The following TG variants were observed in gnomAD, a reference collection of about 807,000 sequenced individuals.
The protein encoded by TG is thyroid hormones.
TG carries 270 observed loss-of-function variants against 324.7 expected under a neutral mutation model. That is an observed-to-expected ratio of 0.83 (90% CI 0.75 to 0.92). TG has a LOEUF of 0.92. Among genes scored for constraint, TG ranks in the 40% least tolerant of loss-of-function variants. The pLI is 0.00. For synonymous variants in TG, 1,401 were observed against 1,327.0 expected (o/e 1.06, Z -1.21); for missense variants, 3,591 against 3,456.4 (o/e 1.04, Z -0.98).
intron 18 of TG, among the ~76,000 whole-genome samples, chr8:132,910,723 A>G (rs1819391451): frequency 6.6e-6 from 1 of 152,154 alleles, no homozygotes; most frequent in African/African-American, 2.4e-5. Flanking sequence ...TATGAGAAAA[A>G]AAGTTCTGTT....
At chr8:133,096,496 A>G in intron 43 of TG, 123 bp downstream of exon 43, 6 of 1,223,776 alleles carry the variant, frequency 4.9e-6, no homozygotes, top group Non-Finnish European at 7.0e-6. Flanking sequence ...TGCAATGCCT[A>G]TGTGAGTTTA....
At chr8:133,104,638 C>G (rs1186338340) in intron 43 of TG, among the ~76,000 whole-genome samples, 1 of 152,056 alleles carries the variant, frequency 6.6e-6, no homozygotes, top group East Asian at 1.9e-4. Context: ...CAAAAGGAAG[C>G]AAAAGTCAAA....
intron 20 of TG, among the ~76,000 whole-genome samples, chr8:132,916,022 C>T (rs16904788): frequency 0.13 from 20,457 of 152,050 alleles, 1,949 homozygotes; most frequent in African/African-American, 0.27. Context: ...TTTTACTGTC[C>T]AGAGACTCAG....
At chr8:133,101,384 G>T in intron 43 of TG, among the ~76,000 whole-genome samples, 1 of 152,176 alleles carries the variant, frequency 6.6e-6, no homozygotes, top group East Asian at 1.9e-4. Context: ...AGTTGGGCTT[G>T]TGCATTTCTC....
chr8:133,064,557 G>A (rs1427175445), intron 41 of TG, among the ~76,000 whole-genome samples: 3 of 152,332 alleles, frequency 2.0e-5, no homozygotes, highest in East Asian at 3.9e-4. Context: ...TTTTGTTCAG[G>A]ACCATGCTGC....
At chr8:133,062,700 C>T (rs2131348401) in intron 41 of TG, among the ~76,000 whole-genome samples, 1 of 152,206 alleles carries the variant, frequency 6.6e-6, no homozygotes, top group African/African-American at 2.4e-5. Context: ...ATGCCTGTGA[C>T]ACGCACAGGG....
At chr8:132,952,698 A>G (rs1465571913) in intron 27 of TG, among the ~76,000 whole-genome samples, 3 of 152,238 alleles carry the variant, frequency 2.0e-5, no homozygotes, top group East Asian at 1.9e-4. Context: ...TAGTAAATAT[A>G]TTAATATCTG....
intron 41 of TG, chr8:133,087,652 T>G (rs1302269046): frequency 6.6e-6 from 1 of 152,256 alleles, no homozygotes; most frequent in Non-Finnish European, 1.5e-5. Flanking sequence ...ATTAATTCAT[T>G]GGAGACAAGT....
intron 45 of TG, among the ~76,000 whole-genome samples, chr8:133,131,288 G>A (rs907686788): frequency 7.9e-5 from 12 of 152,206 alleles, no homozygotes; most frequent in Non-Finnish European, 1.5e-5. Context: ...ATTTAATCCA[G>A]TCTAGCATGT....
Position 133,030,012 on chromosome 8 carries a change from G to C in TG, c.7228G>C (p.Ala2410Pro), listed in dbSNP as rs777769800. The C allele has an allele frequency of 1.9e-6, 3 of 1,614,248 alleles. No homozygotes were observed. The highest frequency in any genetic ancestry group is 2.5e-6 in the Non-Finnish European group (3 of 1,180,046). ...CACCAACTCCCAACTTTTCCGGAGA[G>C]CTGTGCTGATGGTAAGTGGTGTGTG... is the stretch of plus-strand genomic sequence containing the variant. ...RATNSQLFRR[A>P]VLMGGSALSP... Residue 2410 changes from alanine (A) to proline (P), a missense_variant, in exon 41 of 48, where the codon GCT becomes CCT. By Grantham distance (27) the Ala-to-Pro change is conservative. Transcript: ENST00000220616.
chr8:132,915,441 C>T (rs1185699953), intron 20 of TG, among the ~76,000 whole-genome samples: 2 of 152,210 alleles, frequency 1.3e-5, no homozygotes, highest in Non-Finnish European at 2.9e-5. Flanking sequence ...AGGGGCCACT[C>T]AGCTCAACTT....
chr8:132,871,766 A>G (rs1839501731), intron 4 of TG, among the ~76,000 whole-genome samples: 1 of 152,214 alleles, frequency 6.6e-6, no homozygotes, highest in Non-Finnish European at 1.5e-5. Flanking sequence ...AAACATAAAC[A>G]GGATTTCATT....
chr8:132,944,923 G>A (rs775305325), intron 26 of TG, among the ~76,000 whole-genome samples: 1 of 152,314 alleles, frequency 6.6e-6, no homozygotes, highest in Middle Eastern at 3.4e-3. Flanking sequence ...GAGGGTGCAG[G>A]ATAAAGAAGA....
chr8:132,937,738 A>G (rs550082079), intron 25 of TG, among the ~76,000 whole-genome samples: 1 of 148,264 alleles, frequency 6.7e-6, no homozygotes, highest in East Asian at 2.0e-4. Context: ...TAAAAAATGC[A>G]ATTGTATTTC....
At position 132,929,066 on chromosome 8, in the gene TG, T is replaced by C. The variant is rs1822306231; in HGVS notation, c.4700-10T>C. 1.2e-6 allele frequency: 2 copies of C among 1,612,068 alleles called. No individual in the cohort carries two copies. The highest frequency in any genetic ancestry group is 2.2e-5 in the South Asian group (2 of 91,028). On this transcript the variant is annotated splice_polypyrimidine_tract_variant and intron_variant, in intron 22 of 47. Coordinates refer to ENST00000220616, the MANE Select transcript of TG (RefSeq NM_003235.5). ...CTGAGTCAGATTTACTAAATCTGCT[T>C]TATTTTTAGTGATGCAGAAGTTTGA...
At chr8:132,914,631 T>A (rs1820026685) in intron 20 of TG, among the ~76,000 whole-genome samples, 1 of 152,192 alleles carries the variant, frequency 6.6e-6, no homozygotes, top group Non-Finnish European at 1.5e-5. Context: ...TTAAATGAGA[T>A]GGGGCATCTG....
At chr8:133,007,531 A>C (rs984573985) in intron 35 of TG, among the ~76,000 whole-genome samples, 1 of 152,102 alleles carries the variant, frequency 6.6e-6, no homozygotes, top group East Asian at 1.9e-4. Flanking sequence ...GTAGGTTTTT[A>C]GTATTAGCTT....
chr8:133,018,144 A>T (rs930322447), intron 38 of TG, 147 bp downstream of exon 38: 43 of 847,720 alleles, frequency 5.1e-5, no homozygotes, highest in Non-Finnish European at 8.3e-5. Flanking sequence ...GATATCATTA[A>T]GTGCTGTGAC....
At chr8:132,897,581 T>G (rs1817294500) in intron 11 of TG, 68 bp from the exon 12 acceptor site, 5 of 1,604,340 alleles carry the variant, frequency 3.1e-6, no homozygotes, top group Non-Finnish European at 3.4e-6. Context: ...CATACGTGGT[T>G]GTTCTCAGCT....
Sources: gnomAD v4.1 joint callset for allele counts (sites outside exome capture counted in the v4.1 genomes callset) on GRCh38, gnomAD v4.1.1 for gene constraint, MANE v1.5 for transcripts, NCBI Gene and HGNC (gene_info 2026-07-23, HGNC 2026-07-21) for gene names.